CCDC171: variants seen among roughly 807,000 people sequenced by gnomAD.
CCDC171 encodes the protein coiled-coil domain-containing protein 171.
Under a neutral mutation model 168.2 loss-of-function variants are expected in CCDC171, and 177 were observed. That is an observed-to-expected ratio of 1.05 (90% CI 0.93 to 1.19). CCDC171 has a LOEUF of 1.19. Among genes scored for constraint, CCDC171 ranks in the 50% most tolerant of loss-of-function variants. CCDC171 has a pLI of 0.00. For synonymous variants in CCDC171, 687 were observed against 540.8 expected (o/e 1.27, Z -3.75); for missense variants, 1,991 against 1,539.0 (o/e 1.29, Z -4.91).
At chr9:15,999,004 T>G (rs1207147530) in intron 3 of CCDC171, among the ~76,000 whole-genome samples, 1 of 151,784 alleles carries the variant, frequency 6.6e-6, no homozygotes, top group Admixed American at 6.6e-5. Flanking sequence ...TCAACATGAG[T>G]GCTAAATGTA....
intron 4 of CCDC171, among the ~76,000 whole-genome samples, chr9:15,589,709 AAATT>A (rs2041844725): frequency 6.6e-6 from 1 of 152,230 alleles, no homozygotes; most frequent in Non-Finnish European, 1.5e-5. Context: ...TGGCTTGAAA[AAATT>A]AACAAATTAA....
chr9:15,647,214 A>G (rs1474988397), intron 7 of CCDC171, among the ~76,000 whole-genome samples: 2 of 152,234 alleles, frequency 1.3e-5, no homozygotes, highest in African/African-American at 4.8e-5. Flanking sequence ...GAGAACAAAG[A>G]CACAACATAC....
chr9:15,773,726 T>C (rs1022751274), intron 18 of CCDC171, among the ~76,000 whole-genome samples: 6 of 151,900 alleles, frequency 3.9e-5, no homozygotes, highest in Non-Finnish European at 8.8e-5. Context: ...TTTTCATTTA[T>C]TTAATATAGA....
intron 23 of CCDC171, among the ~76,000 whole-genome samples, chr9:15,851,918 C>G (rs62548671): frequency 0.032 from 4,928 of 151,756 alleles, 139 homozygotes; most frequent in Non-Finnish European, 0.044. Flanking sequence ...TACGTCATAC[C>G]CTTTTATGGC....
intron 16 of CCDC171, among the ~76,000 whole-genome samples, chr9:15,738,818 A>T (rs2054658409): frequency 6.6e-6 from 1 of 152,100 alleles, no homozygotes; most frequent in Admixed American, 6.6e-5. Context: ...TTGTTTTTTT[A>T]AATTATATTT....
At position 15,560,158 on chromosome 9, in the gene CCDC171, A is replaced by G. The variant is rs1039843383; in HGVS notation, c.-111-3820A>G. Among the ~76,000 whole-genome samples the G allele has an allele frequency of 1.9e-4, 29 of 152,102 alleles. 1 individual carries two copies. The highest frequency in any genetic ancestry group is 5.3e-4 in the African/African-American group (22 of 41,488). ...AACCTGACGTTTCTGGCTGCCCTTAATATTTTTTCCTTCATTTCAACTTTG... is the reference window on the plus strand; with the variant it reads ...AACCTGACGTTTCTGGCTGCCCTTAGTATTTTTTCCTTCATTTCAACTTTG... On this transcript the variant is annotated intron_variant, in intron 1 of 25. Coordinates refer to ENST00000380701, the MANE Select transcript of CCDC171 (RefSeq NM_173550.4).
intron 4 of CCDC171, among the ~76,000 whole-genome samples, chr9:15,586,640 C>G (rs2041584545): frequency 6.6e-6 from 1 of 152,062 alleles, no homozygotes; most frequent in Admixed American, 6.6e-5. Flanking sequence ...AGATTTCCTT[C>G]CAAGAGCATG....
intron 25 of CCDC171, chr9:15,922,256 C>T (rs955834244): frequency 3.8e-6 from 1 of 264,996 alleles, no homozygotes; most frequent in Non-Finnish European, 8.6e-6. Flanking sequence ...GATGTGTGCT[C>T]TCCTGTCTTT....
intron 2 of CCDC171, among the ~76,000 whole-genome samples, chr9:15,570,144 T>C (rs1445487047): frequency 6.6e-6 from 1 of 152,028 alleles, no homozygotes; most frequent in East Asian, 1.9e-4. Flanking sequence ...TAATTTTTTA[T>C]ATTTTTAGTA....
At chr9:16,022,301 T>C (rs1177682403) in intron 4 of CCDC171, 1 of 152,258 alleles carries the variant, frequency 6.6e-6, no homozygotes, top group Non-Finnish European at 1.5e-5. Flanking sequence ...TATGTTTTTA[T>C]AGGCACTGTC....
At chr9:15,869,374 T>C (rs1326822668) in intron 23 of CCDC171, among the ~76,000 whole-genome samples, 3 of 151,968 alleles carry the variant, frequency 2.0e-5, no homozygotes, top group Non-Finnish European at 4.4e-5. Flanking sequence ...CTTCCTCCTA[T>C]CACTGGGTAC....
rs1048007662 is a variant in CCDC171 at position 15,809,466 on chromosome 9, A to T, written c.3267+24772A>T. On this transcript the variant is annotated intron_variant, in intron 21 of 25. Coordinates refer to ENST00000380701, the MANE Select transcript of CCDC171 (RefSeq NM_173550.4). ...GTGGTGAGTGTTACAGTTCTTAAAG[A>T]TGGTGTGTCTGGAGTTTATTCCTTC... is the stretch of plus-strand genomic sequence containing the variant. 3.3e-5 allele frequency among the ~76,000 whole-genome samples: 5 copies of T among 151,980 alleles called. No individual in the cohort carries two copies. In the South Asian group the frequency reaches 1.0e-3, roughly 32 times the overall value.
At chr9:16,085,608 T>C in the CCDC171 span, among the ~76,000 whole-genome samples, 2 of 152,224 alleles carry the variant, frequency 1.3e-5, no homozygotes, top group Non-Finnish European at 2.9e-5. Flanking sequence ...AACTCACAGC[T>C]ACACTGGGAA....
At chr9:16,009,529 C>T (rs1164847294) in intron 3 of CCDC171, among the ~76,000 whole-genome samples, 3 of 151,962 alleles carry the variant, frequency 2.0e-5, no homozygotes, top group African/African-American at 7.3e-5. Flanking sequence ...TATCTTGGAC[C>T]CGTTATCTTT....
intron 18 of CCDC171, among the ~76,000 whole-genome samples, chr9:15,772,356 T>G (rs1367764635): frequency 6.6e-6 from 1 of 151,956 alleles, no homozygotes; most frequent in Non-Finnish European, 1.5e-5. Context: ...TACTACTTTT[T>G]TTTTTGTCGT....
At chr9:15,731,036 A>G (rs1043406458) in intron 16 of CCDC171, among the ~76,000 whole-genome samples, 4 of 152,046 alleles carry the variant, frequency 2.6e-5, no homozygotes, top group African/African-American at 9.7e-5. Context: ...TAAGATATCT[A>G]TCACCTTGAG....
chr9:15,561,478 C>G (rs1485887923), intron 1 of CCDC171, among the ~76,000 whole-genome samples: 5 of 152,134 alleles, frequency 3.3e-5, no homozygotes. Flanking sequence ...TGTGGAGTTT[C>G]ACAGGGAAGT....
intron 14 of CCDC171, among the ~76,000 whole-genome samples, chr9:15,727,309 T>TA (rs1002749226): frequency 7.2e-5 from 11 of 152,184 alleles, no homozygotes; most frequent in Non-Finnish European, 1.0e-4. Context: ...ATAGATTTCC[T>TA]ATAAGTAGTA....
At chr9:16,002,684 C>A (rs1832587678) in intron 3 of CCDC171, among the ~76,000 whole-genome samples, 1 of 152,238 alleles carries the variant, frequency 6.6e-6, no homozygotes, top group South Asian at 2.1e-4. Flanking sequence ...ACAGTAATGT[C>A]CTAGGGCCTA....
Sources: gnomAD v4.1 joint callset for allele counts (sites outside exome capture counted in the v4.1 genomes callset) on GRCh38, gnomAD v4.1.1 for gene constraint, MANE v1.5 for transcripts, NCBI Gene and HGNC (gene_info 2026-07-23, HGNC 2026-07-21) for gene names.